Variants in NCOA1 observed in about 807,000 individuals in gnomAD.
The protein encoded by NCOA1 is Hin-2 protein.
A neutral mutation model predicts 150.9 loss-of-function variants in NCOA1; 35 were observed. The ratio of observed to expected loss-of-function variants is 0.23; its 90% CI spans 0.18 to 0.31. The LOEUF is 0.31. NCOA1 is among the 10% of genes least tolerant of loss of function. NCOA1 has a pLI of 1.00. For missense variants in NCOA1, 1,491 were observed against 1,749.3 expected, an observed-to-expected ratio of 0.85 and a Z score of 2.63; for synonymous variants, 590 against 630.0, an observed-to-expected ratio of 0.94 and a Z score of 0.95.
intron 14 of NCOA1, among the ~76,000 whole-genome samples, chr2:24,714,976 A>G (rs1673944563): frequency 6.6e-6 from 1 of 152,170 alleles, no homozygotes; most frequent in South Asian, 2.1e-4. Context: ...AAAACTTTCT[A>G]TACTTAGTAT....
rs779438143 is a variant in NCOA1 at position 24,739,418 on chromosome 2, C to T, written c.3202-14C>T. Reference sequence around the variant, plus strand: ...TGTGTAGAAATATATCTTATTGTTTCCATTTTTCTCTAGTTGATACACCAA... The same window carrying T: ...TGTGTAGAAATATATCTTATTGTTTTCATTTTTCTCTAGTTGATACACCAA... On this transcript the variant is annotated splice_polypyrimidine_tract_variant and intron_variant, in intron 17 of 22. Coordinates refer to ENST00000348332, the MANE Select transcript of NCOA1 (RefSeq NM_003743.5). The T allele has an allele frequency of 6.4e-7, 1 of 1,571,902 alleles. No homozygotes were observed. The highest frequency in any genetic ancestry group is 1.7e-5 in the Admixed American group (1 of 59,926).
chr2:24,518,285 TTAGAAA>T (rs879287134), intron 1 of NCOA1, among the ~76,000 whole-genome samples: 3 of 152,032 alleles, frequency 2.0e-5, no homozygotes, highest in Non-Finnish European at 4.4e-5. Context: ...ATTCAGCAAA[TTAGAAA>T]TAGAGATAAG....
chr2:24,558,069 A>G (rs1572417287), intron 1 of NCOA1, among the ~76,000 whole-genome samples: 1 of 149,486 alleles, frequency 6.7e-6, no homozygotes, highest in East Asian at 2.0e-4. Context: ...TGTCTCCATT[A>G]TTTTTTTTTC....
Position 24,520,347 on chromosome 2 carries a change from A to G in NCOA1, c.-396+28745A>G, listed in dbSNP as rs577122922. On this transcript the variant is annotated intron_variant, in intron 1 of 22. Transcript: ENST00000348332. The stretch of plus-strand genomic sequence containing the variant: ...TTTTAATACTCCCAAATTAGAAACA[A>G]TCCAAACGTCCTTAATAGGTAAATG... 9.5e-4 allele frequency among the ~76,000 whole-genome samples: 145 copies of G among 152,368 alleles called. 1 individual carries two copies. The highest frequency in any genetic ancestry group is 3.4e-3 in the Middle Eastern group (1 of 294).
intron 3 of NCOA1, among the ~76,000 whole-genome samples, chr2:24,600,872 GA>G (rs1206834231): frequency 4.6e-5 from 7 of 152,130 alleles, no homozygotes; most frequent in African/African-American, 1.7e-4. Flanking sequence ...GTGAATTACT[GA>G]AATAAAACTA....
chr2:24,536,265 G>A (rs546370686), intron 1 of NCOA1, among the ~76,000 whole-genome samples: 25 of 152,118 alleles, frequency 1.6e-4, no homozygotes, highest in African/African-American at 4.6e-4. Context: ...TTCTGCATGC[G>A]TCACAAAGTT....
chr2:24,527,689 A>G (rs919568813), intron 1 of NCOA1, among the ~76,000 whole-genome samples: 1 of 152,218 alleles, frequency 6.6e-6, no homozygotes, highest in African/African-American at 2.4e-5. Context: ...CCAGAAGCAG[A>G]ATTGCCTGAG....
intron 3 of NCOA1, among the ~76,000 whole-genome samples, chr2:24,636,584 A>T (rs1386852052): frequency 6.6e-6 from 1 of 151,998 alleles, no homozygotes; most frequent in African/African-American, 2.4e-5. Flanking sequence ...GTTCTTTCTA[A>T]CCTAACTTTT....
rs569722847 is a variant in NCOA1, at chr2:24,618,142, A to G, written c.-174-25824A>G. 4.6e-5 allele frequency among the ~76,000 whole-genome samples: 7 copies of G among 152,348 alleles called. No individual in the cohort carries two copies. In the East Asian group the frequency reaches 1.3e-3, roughly 29 times the overall value. ...TTACCTGTATTTTCCAAAGTTGTGTAGTAAAAATGAATTACTTTTGTAATT... is the reference window on the plus strand; with the variant it reads ...TTACCTGTATTTTCCAAAGTTGTGTGGTAAAAATGAATTACTTTTGTAATT... On this transcript the variant is annotated intron_variant, in intron 3 of 22. Coordinates refer to ENST00000348332, the MANE Select transcript of NCOA1 (RefSeq NM_003743.5).
At chr2:24,584,093 G>A (rs908649689) in intron 2 of NCOA1, among the ~76,000 whole-genome samples, 4 of 152,008 alleles carry the variant, frequency 2.6e-5, no homozygotes, top group African/African-American at 9.7e-5. Flanking sequence ...TGATTGATAT[G>A]CCATTACCCT....
chr2:24,580,430 T>G (rs916112022), intron 2 of NCOA1, among the ~76,000 whole-genome samples: 1 of 152,204 alleles, frequency 6.6e-6, no homozygotes, highest in Non-Finnish European at 1.5e-5. Context: ...TGTTAGGTCT[T>G]GAGGCTCTAA....
intron 1 of NCOA1, among the ~76,000 whole-genome samples, chr2:24,529,095 C>A (rs1664774758): frequency 6.6e-6 from 1 of 152,096 alleles, no homozygotes; most frequent in Admixed American, 6.5e-5. Context: ...ACCATGTTAG[C>A]CAGGATGGTC....
Position 24,514,055 on chromosome 2 carries a change from G to A in NCOA1, c.-396+22453G>A, listed in dbSNP as rs573522578. 2.6e-5 allele frequency among the ~76,000 whole-genome samples: 4 copies of A among 152,000 alleles called. No individual in the cohort carries two copies. The East Asian group carries it at 5.8e-4, about 22-fold the overall frequency. ...TGTAATCTCAGCACTTTGGGAGGCC[G>A]AGGCAGGCGGATCACGAGGTCAGGA... is the stretch of plus-strand genomic sequence containing the variant. On this transcript the variant is annotated intron_variant, in intron 1 of 22. Coordinates refer to ENST00000348332, the MANE Select transcript of NCOA1 (RefSeq NM_003743.5).
intron 1 of NCOA1, among the ~76,000 whole-genome samples, chr2:24,556,722 G>A (rs1383986065): frequency 6.6e-6 from 1 of 152,116 alleles, no homozygotes; most frequent in Non-Finnish European, 1.5e-5. Context: ...AAAAAGTCAA[G>A]AAACAACAGA....
At chr2:24,535,391 G>A (rs536491540) in intron 1 of NCOA1, among the ~76,000 whole-genome samples, 51 of 152,222 alleles carry the variant, frequency 3.4e-4, no homozygotes, top group Non-Finnish European at 7.1e-4. Flanking sequence ...GATGGGTCCT[G>A]ACTCTTTATC....
chr2:24,530,768 G>A (rs1664850231), intron 1 of NCOA1, among the ~76,000 whole-genome samples: 1 of 152,210 alleles, frequency 6.6e-6, no homozygotes, highest in African/African-American at 2.4e-5. Flanking sequence ...AGAAGAGAAA[G>A]ACTGAGAAAT....
chr2:24,541,132 T>C (rs1665374672), intron 1 of NCOA1, among the ~76,000 whole-genome samples: 2 of 152,140 alleles, frequency 1.3e-5, no homozygotes, highest in South Asian at 4.2e-4. Context: ...TGAGGACAAT[T>C]GGGAAGTCAT....
rs1484464133 is a variant in NCOA1 at position 24,491,563 on chromosome 2, T to G, written c.-435T>G. 9.1e-4 allele frequency among the ~76,000 whole-genome samples: 8 copies of G among 8,816 alleles called. No homozygotes were observed. Among genetic ancestry groups the G allele is most frequent in the African/African-American group, 2.8e-3 (5 of 1,810 alleles). 5.8% of individuals were successfully genotyped at this position (8,816 alleles called of 152,430 possible). ...CGCCGCCGCCACGGTCGCGGACGAG[T>G]GCGGCGCCGGTGAGCGGGGCCCAGA... On this transcript the variant is annotated 5_prime_UTR_variant, in exon 1 of 23. Transcript: ENST00000348332.
chr2:24,583,257 C>T (rs1667273236), intron 2 of NCOA1, among the ~76,000 whole-genome samples: 2 of 152,098 alleles, frequency 1.3e-5, no homozygotes, highest in South Asian at 4.1e-4. Flanking sequence ...TCTGACTAGA[C>T]ATTTCTCAAA....
Sources: gnomAD v4.1 joint callset for allele counts (sites outside exome capture counted in the v4.1 genomes callset) on GRCh38, gnomAD v4.1.1 for gene constraint, MANE v1.5 for transcripts, NCBI Gene and HGNC (gene_info 2026-07-23, HGNC 2026-07-21) for gene names.